Variants in RAB11A observed in about 807,000 individuals in gnomAD.
The protein encoded by RAB11A is ras-related protein Rab-11A.
A neutral mutation model predicts 28.0 loss-of-function variants in RAB11A; 9 were observed. That is an observed-to-expected ratio of 0.32 (90% CI 0.19 to 0.56). The LOEUF (loss-of-function observed/expected upper bound fraction) is 0.56, where lower values mean the gene tolerates loss of function less well. Ranked by LOEUF, RAB11A falls within the 20% of genes least tolerant of loss-of-function variation. RAB11A has a pLI of 0.91. For missense variants in RAB11A, 108 were observed against 269.6 expected (o/e 0.40, Z 4.20); for synonymous variants, 85 against 88.2 (o/e 0.96, Z 0.20).
In RAB11A at chr15:65,877,937, G is replaced by A. The variant is rs776183548; in HGVS notation, c.412G>A (p.Glu138Lys). 6.2e-7 allele frequency: 1 copy of A among 1,613,542 alleles called. No homozygotes were observed. The highest frequency in any genetic ancestry group is 1.7e-5 in the Admixed American group (1 of 60,008). ...LRHLRAVPTDEARAFAEKNGL... is the reference protein window; with the variant it reads ...LRHLRAVPTDKARAFAEKNGL... The stretch of plus-strand genomic sequence containing the variant: ...TCATCTCAGGGCAGTTCCTACAGAT[G>A]AAGCAAGAGCTTTTGCAGGTTAGTG... The change falls in exon 3 of 5, where the codon GAA becomes AAA. Residue 138 changes from glutamate (E) to lysine (K), a missense_variant. Physicochemically the swap from Glu to Lys is moderately conservative, Grantham distance 56. Coordinates refer to ENST00000261890, the MANE Select transcript of RAB11A (RefSeq NM_004663.5). This position sits in a 1 kb window ranked among gnomAD's most constrained non-coding sequence, Gnocchi z 4.1.
rs2078269383 is a variant in RAB11A at position 65,888,792 on chromosome 15, A to G, written c.*952A>G. 1 of 152,608 alleles carries G rather than the reference A, an allele frequency of 6.6e-6. No homozygotes were observed. The highest frequency in any genetic ancestry group is 1.5e-5 in the Non-Finnish European group (1 of 68,040). The allele number at this position is 152,608 out of a possible 1,614,324, so 9.5% of individuals were successfully genotyped here. A position where few individuals can be genotyped will look rare whatever the true frequency, so the allele number is the denominator to read the frequency against. ...ACCAGCAGGCATGGATAATTATTTT[A>G]ACAATGCTAATATTTGAGTTTTGCA... On this transcript the variant is annotated 3_prime_UTR_variant, in exon 5 of 5. Transcript: ENST00000261890.
At chr15:65,886,828 T>C (rs1268271120) in intron 4 of RAB11A, among the ~76,000 whole-genome samples, 1 of 152,244 alleles carries the variant, frequency 6.6e-6, no homozygotes, top group East Asian at 1.9e-4. Flanking sequence ...AAATTATTTT[T>C]GATAAGTGTC....
intron 4 of RAB11A, among the ~76,000 whole-genome samples, chr15:65,882,504 C>T (rs568632090): frequency 6.6e-6 from 1 of 152,302 alleles, no homozygotes; most frequent in African/African-American, 2.4e-5. Flanking sequence ...GTCTTGAATT[C>T]CTGAGCTCAA....
intron 1 of RAB11A, among the ~76,000 whole-genome samples, chr15:65,870,952 ACT>A (rs1230463492): frequency 1.3e-5 from 2 of 151,810 alleles, no homozygotes; most frequent in Non-Finnish European, 2.9e-5. Flanking sequence ...CAGTGAATGC[ACT>A]CTCACTCTGA....
At position 65,879,770 on chromosome 15, in the gene RAB11A, G is replaced by A; in HGVS notation, c.511+19G>A. 6.6e-7 allele frequency: 1 copy of A among 1,505,286 alleles called. No individual in the cohort carries two copies. Among genetic ancestry groups the A allele is most frequent in the East Asian group, 2.3e-5 (1 of 43,664 alleles). The allele number at this position is 1,505,286 out of a possible 1,614,324, so 93.2% of individuals were successfully genotyped here. A position where few individuals can be genotyped will look rare whatever the true frequency, so the allele number is the denominator to read the frequency against. ...TTAACAGGTAAGACTTGTATTTTCA[G>A]ATTACACCAGTAGGACTAGAAGTTT... On this transcript the variant is annotated intron_variant, in intron 4 of 4. Coordinates refer to ENST00000261890, the MANE Select transcript of RAB11A (RefSeq NM_004663.5).
rs2078287597 is a variant in RAB11A at position 65,890,715 on chromosome 15, G to T, written c.*2875G>T. 1 of 152,170 alleles carries T rather than the reference G, an allele frequency of 6.6e-6. No homozygotes were observed. The highest frequency in any genetic ancestry group is 2.4e-5 in the African/African-American group (1 of 41,428). 9.4% of individuals were successfully genotyped at this position (152,170 alleles called of 1,614,324 possible). On this transcript the variant is annotated 3_prime_UTR_variant, in exon 5 of 5. Coordinates refer to ENST00000261890, the MANE Select transcript of RAB11A (RefSeq NM_004663.5). ...AATGCTTTTAGTGGGTTGAGCTGTT[G>T]TGATAATCTCTTCCATCTACCTTAG...
chr15:65,887,984 A>G lies in RAB11A; in HGVS notation c.*144A>G. On this transcript the variant is annotated 3_prime_UTR_variant, in exon 5 of 5. Transcript: ENST00000261890. ...TCCATGTCCTAAGTCTTTTGATTTT[A>G]GCTTTATAAAATCATCCACTTGTCC... The G allele has an allele frequency of 1.1e-6, 1 of 919,768 alleles. No individual in the cohort carries two copies. The highest frequency in any genetic ancestry group is 1.5e-6 in the Non-Finnish European group (1 of 673,482). The allele number at this position is 919,768 out of a possible 1,614,324, so 57.0% of individuals were successfully genotyped here.
At position 65,877,603 on chromosome 15, in the gene RAB11A, A is replaced by T. The variant is rs1465676137; in HGVS notation, c.236+76A>T. 1 of 1,448,942 alleles carries T rather than the reference A, an allele frequency of 6.9e-7. No individual in the cohort carries two copies. The highest frequency in any genetic ancestry group is 2.3e-5 in the East Asian group (1 of 42,560). 89.8% of individuals were successfully genotyped at this position (1,448,942 alleles called of 1,614,324 possible). On this transcript the variant is annotated intron_variant, in intron 2 of 4. Coordinates refer to ENST00000261890, the MANE Select transcript of RAB11A (RefSeq NM_004663.5). This position sits in a 1 kb window ranked among gnomAD's most constrained non-coding sequence, Gnocchi z 4.1. ...TTAGCTGACTTTTGGTATTGGAAAA[A>T]GAACTGTTGTTTTTTTCTTTTAAGA... is the stretch of plus-strand genomic sequence containing the variant.
intron 3 of RAB11A, among the ~76,000 whole-genome samples, chr15:65,879,107 C>G (rs1231283386): frequency 1.3e-5 from 2 of 151,870 alleles, no homozygotes; most frequent in African/African-American, 2.4e-5. Flanking sequence ...GATCTTCCAC[C>G]TCAGCCTCCT....
intron 4 of RAB11A, among the ~76,000 whole-genome samples, chr15:65,884,920 A>C (rs1175776755): frequency 4.0e-5 from 6 of 151,396 alleles, no homozygotes; most frequent in Non-Finnish European, 8.8e-5. Context: ...GTTCTCCTTT[A>C]GAACCAAATG....
chr15:65,883,186 G>T (rs1261219697), intron 4 of RAB11A, among the ~76,000 whole-genome samples: 5 of 152,176 alleles, frequency 3.3e-5, no homozygotes, highest in African/African-American at 1.2e-4. Flanking sequence ...ACCTTATTCA[G>T]ATTTTGCCAG....
intron 4 of RAB11A, among the ~76,000 whole-genome samples, chr15:65,884,965 T>G (rs1352702332): frequency 6.8e-6 from 1 of 146,846 alleles, no homozygotes; most frequent in Non-Finnish European, 1.5e-5. Context: ...CCCCCACCGT[T>G]TTTTTTTTTT....
Position 65,869,555 on chromosome 15 carries a change from T to G in RAB11A, c.-31T>G. ...CCCCTGGTCCCACAGATACCACTGCTGCTCCCGCCCTTTCGCTCCTCGGCC... is the reference window on the plus strand; with the variant it reads ...CCCCTGGTCCCACAGATACCACTGCGGCTCCCGCCCTTTCGCTCCTCGGCC... On this transcript the variant is annotated 5_prime_UTR_variant, in exon 1 of 5. Transcript: ENST00000261890. 6.2e-7 allele frequency: 1 copy of G among 1,607,950 alleles called. No individual in the cohort carries two copies. The highest frequency in any genetic ancestry group is 8.5e-7 in the Non-Finnish European group (1 of 1,179,040).
At chr15:65,874,247 A>G (rs1343386440) in intron 1 of RAB11A, among the ~76,000 whole-genome samples, 1 of 143,640 alleles carries the variant, frequency 7.0e-6, no homozygotes, top group African/African-American at 2.6e-5. Flanking sequence ...TTTTTTTGAG[A>G]TGGAGTTTCA....
Position 65,871,919 on chromosome 15 carries a change from GTTTTTTTTTTTTTTT to G in RAB11A, c.40+2309_40+2323del, listed in dbSNP as rs960414631. 4.2e-4 allele frequency among the ~76,000 whole-genome samples: 30 copies of G among 72,054 alleles called. No individual in the cohort carries two copies. In the East Asian group the frequency reaches 0.01, roughly 25 times the overall value. The allele number at this position is 72,054 out of a possible 152,430, so 47.3% of individuals were successfully genotyped here. On this transcript the variant is annotated intron_variant, in intron 1 of 4. Coordinates refer to ENST00000261890, the MANE Select transcript of RAB11A (RefSeq NM_004663.5). ...GAAAGAAGTTACTGTGGTTTTGTCA[GTTTTTTTTTTTTTTT>G]TTTTTTTTTTTTTTGGAGACAGGGT... is the stretch of plus-strand genomic sequence containing the variant.
At chr15:65,883,769 C>T (rs1314332342) in intron 4 of RAB11A, among the ~76,000 whole-genome samples, 1 of 152,016 alleles carries the variant, frequency 6.6e-6, no homozygotes, top group African/African-American at 2.4e-5. Context: ...CCAGGCTGGT[C>T]TCTAACTCCT....
chr15:65,882,074 T>C (rs1382444769), intron 4 of RAB11A, among the ~76,000 whole-genome samples: 1 of 151,996 alleles, frequency 6.6e-6, no homozygotes, highest in Non-Finnish European at 1.5e-5. Flanking sequence ...AAGATGAACA[T>C]ATAGTTGCTT....
chr15:65,884,535 ATAAT>A (rs965646382), intron 4 of RAB11A, among the ~76,000 whole-genome samples: 12 of 152,216 alleles, frequency 7.9e-5, no homozygotes, highest in African/African-American at 1.2e-4. Context: ...AGAGAAGTAA[ATAAT>A]TAAAGAGATC....
In RAB11A at chr15:65,891,697, G is replaced by C. The variant is rs1010435584; in HGVS notation, c.*3857G>C. The C allele has an allele frequency of 1.3e-5, 2 of 152,176 alleles. No individual in the cohort carries two copies. Among genetic ancestry groups the C allele is most frequent in the Non-Finnish European group, 2.9e-5 (2 of 68,020 alleles). 9.4% of individuals were successfully genotyped at this position (152,176 alleles called of 1,614,324 possible). ...GTCAAAATGAGGTATGCACTTTGTG[G>C]AATGTTTTTGGTCTTATCACAATAA... is the stretch of plus-strand genomic sequence containing the variant. On this transcript the variant is annotated 3_prime_UTR_variant, in exon 5 of 5. Transcript: ENST00000261890.
Sources: gnomAD v4.1 joint callset for allele counts (sites outside exome capture counted in the v4.1 genomes callset) on GRCh38, gnomAD v4.1.1 for gene constraint, Gnocchi (gnomAD v3.1) non-coding constraint, MANE v1.5 for transcripts, NCBI Gene and HGNC (gene_info 2026-07-23, HGNC 2026-07-21) for gene names.